The following DPY19L4 variants were observed in gnomAD, a reference collection of about 807,000 sequenced individuals.
DPY19L4 encodes probable C-mannosyltransferase DPY19L4.
DPY19L4 carries 97 observed loss-of-function variants against 102.8 expected under a neutral mutation model. The observed-to-expected ratio is 0.94, with a 90% confidence interval of 0.80 to 1.12. The LOEUF is 1.12. Ranked by LOEUF, DPY19L4 falls within the 50% of genes most tolerant of loss-of-function variation. The probability of loss-of-function intolerance (pLI) is 0.00; values close to 1 mark genes in which losing one functional copy is unlikely to be tolerated. For synonymous variants in DPY19L4, 252 were observed against 283.1 expected (o/e 0.89, Z 1.10); for missense variants, 815 against 850.4 (o/e 0.96, Z 0.52).
intron 3 of DPY19L4, among the ~76,000 whole-genome samples, chr8:94,735,403 A>G (rs1023765961): frequency 3.3e-5 from 5 of 152,224 alleles, no homozygotes; most frequent in Non-Finnish European, 5.9e-5. Flanking sequence ...AATTAACACC[A>G]TCAAGACATT....
chr8:94,734,868 C>T, intron 3 of DPY19L4, 114 bp downstream of exon 3: 1 of 1,398,682 alleles, frequency 7.1e-7, no homozygotes, highest in South Asian at 1.3e-5. Flanking sequence ...ACAAAATGCT[C>T]CAGAAGCTGT....
At chr8:94,736,026 A>G (rs11986843) in intron 3 of DPY19L4, among the ~76,000 whole-genome samples, 10,536 of 152,250 alleles carry the variant, frequency 0.069, 387 homozygotes, top group East Asian at 0.14. Context: ...TTTATTTCTC[A>G]CAGTTCTGGA....
chr8:94,740,682 C>T (rs565986754), intron 6 of DPY19L4, among the ~76,000 whole-genome samples: 1 of 152,274 alleles, frequency 6.6e-6, no homozygotes, highest in African/African-American at 2.4e-5. Context: ...GTCTCAATCT[C>T]CTGACCTCGT....
At chr8:94,769,248 A>G (rs1346174518) in intron 12 of DPY19L4, among the ~76,000 whole-genome samples, 1 of 151,540 alleles carries the variant, frequency 6.6e-6, no homozygotes, top group African/African-American at 2.4e-5. Context: ...TTTAGTAGAG[A>G]TGGGGTTTCT....
chr8:94,753,008 C>CAA lies in DPY19L4; in HGVS notation c.612-3014_612-3013dup, dbSNP rs753977641. ...TTTTCTATGTACACAGTATCTTCTGCAAAAAAAAAAAAAAACCTGACAGTT... is the reference window on the plus strand; with the variant it reads ...TTTTCTATGTACACAGTATCTTCTGCAAAAAAAAAAAAAAAAACCTGACAGTT... On this transcript the variant is annotated intron_variant, in intron 6 of 18. Coordinates refer to ENST00000414645, the MANE Select transcript of DPY19L4 (RefSeq NM_181787.3). Among the ~76,000 whole-genome samples the CAA allele has an allele frequency of 3.7e-3, 436 of 117,052 alleles. 1 individual carries two copies. Among genetic ancestry groups the CAA allele is most frequent in the African/African-American group, 0.012 (413 of 34,458 alleles). 76.8% of individuals were successfully genotyped at this position (117,052 alleles called of 152,430 possible).
rs1325688240 is a variant in DPY19L4, at chr8:94,781,147, G to A, written c.1696G>A (p.Glu566Lys). 1.9e-6 allele frequency: 3 copies of A among 1,597,030 alleles called. No homozygotes were observed. Among genetic ancestry groups the A allele is most frequent in the Non-Finnish European group, 2.6e-6 (3 of 1,175,328 alleles). ...LQEFYDPDTV[E>K]LMTWIKRQAP... ...GGAATTCTATGACCCAGATACAGTGGAACTTATGACCTGGATAAAGTAAGG... is the reference window on the plus strand; with the variant it reads ...GGAATTCTATGACCCAGATACAGTGAAACTTATGACCTGGATAAAGTAAGG... The change falls in exon 16 of 19, where the codon GAA becomes AAA. Residue 566 changes from glutamate to lysine, a missense_variant. Glu to Lys is a moderately conservative substitution (Grantham distance 56, BLOSUM62 1). Coordinates refer to ENST00000414645, the MANE Select transcript of DPY19L4 (RefSeq NM_181787.3).
rs1440615609 is a variant in DPY19L4 at position 94,737,328 on chromosome 8, C to T, written c.253-1041C>T. Among the ~76,000 whole-genome samples, 6 of 152,124 alleles carry T rather than the reference C, an allele frequency of 3.9e-5. 1 individual carries two copies. The highest frequency in any genetic ancestry group is 1.2e-4 in the African/African-American group (5 of 41,518). On this transcript the variant is annotated intron_variant, in intron 3 of 18. Transcript: ENST00000414645. ...CCGAGTAGCTGGGATTACAGACACA[C>T]ACCACCAGGCCTAATTTTTCTATTT...
intron 1 of DPY19L4, among the ~76,000 whole-genome samples, chr8:94,722,015 A>C (rs535692148): frequency 6.6e-6 from 1 of 152,210 alleles, no homozygotes. Context: ...AGGCTGAGAT[A>C]GGAGAATCAC....
intron 2 of DPY19L4, among the ~76,000 whole-genome samples, chr8:94,731,560 C>T (rs1006888216): frequency 1.6e-4 from 25 of 151,946 alleles, no homozygotes; most frequent in African/African-American, 6.0e-4. Flanking sequence ...GGATTACAGG[C>T]ATGCGCCACC....
chr8:94,780,337 C>T (rs565130581), intron 14 of DPY19L4, 22 bp from the exon 15 acceptor site: 1 of 1,447,224 alleles, frequency 6.9e-7, no homozygotes, highest in Non-Finnish European at 9.2e-7. Context: ...TATTTGTAAT[C>T]CTTTTTGCTT....
Position 94,777,793 on chromosome 8 carries a change from C to T in DPY19L4, c.1575+7C>T. On this transcript the variant is annotated splice_region_variant and intron_variant, in intron 14 of 18. Coordinates refer to ENST00000414645, the MANE Select transcript of DPY19L4 (RefSeq NM_181787.3). ...TGTACACCCAATATTGTTGGTGAGTCATTATTTTGCATTGTTTCTCTTCTA... is the reference window on the plus strand; with the variant it reads ...TGTACACCCAATATTGTTGGTGAGTTATTATTTTGCATTGTTTCTCTTCTA... 4 of 1,599,024 alleles carry T rather than the reference C, an allele frequency of 2.5e-6. No homozygotes were observed. Among genetic ancestry groups the T allele is most frequent in the Non-Finnish European group, 3.4e-6 (4 of 1,172,212 alleles).
chr8:94,719,977 C>A lies in DPY19L4; in HGVS notation c.-22C>A, dbSNP rs1810378417. 6.6e-7 allele frequency: 1 copy of A among 1,511,272 alleles called. No homozygotes were observed. The highest frequency in any genetic ancestry group is 8.8e-7 in the Non-Finnish European group (1 of 1,130,400). 93.6% of individuals were successfully genotyped at this position (1,511,272 alleles called of 1,614,324 possible). On this transcript the variant is annotated 5_prime_UTR_variant, in exon 1 of 19. Transcript: ENST00000414645. ...TCTGGGCCGCGCGGGAGCCGCAGGG[C>A]GCCCTAGCCTTCGCAGAAACGATGG...
intron 6 of DPY19L4, among the ~76,000 whole-genome samples, chr8:94,747,773 G>C (rs573167887): frequency 1.3e-4 from 20 of 152,080 alleles, no homozygotes; most frequent in African/African-American, 4.8e-4. Context: ...TGTTAGCCAG[G>C]ATGGTCTCGA....
intron 8 of DPY19L4, among the ~76,000 whole-genome samples, chr8:94,762,909 C>T (rs1054704811): frequency 1.3e-5 from 2 of 152,022 alleles, no homozygotes; most frequent in Non-Finnish European, 2.9e-5. Context: ...TACTTCAACC[C>T]CCAACAGGGT....
chr8:94,743,776 C>T (rs949378254), intron 6 of DPY19L4, among the ~76,000 whole-genome samples: 12 of 152,122 alleles, frequency 7.9e-5, no homozygotes, highest in African/African-American at 1.7e-4. Context: ...GAGGCTGAGG[C>T]GGGTGGATCA....
At position 94,768,359 on chromosome 8, in the gene DPY19L4, C is replaced by T. The variant is rs775422395; in HGVS notation, c.1176-36C>T. 2.4e-5 allele frequency: 37 copies of T among 1,520,866 alleles called. No homozygotes were observed. The Admixed American group carries it at 7.9e-4, about 33-fold the overall frequency. The allele number at this position is 1,520,866 out of a possible 1,614,324, so 94.2% of individuals were successfully genotyped here. Reference sequence around the variant, plus strand: ...TACTTCTGTGTTCAGTTTAAAACGTCTATGAATTTAATATCATACTTTTTG... The same window carrying T: ...TACTTCTGTGTTCAGTTTAAAACGTTTATGAATTTAATATCATACTTTTTG... On this transcript the variant is annotated intron_variant, in intron 11 of 18. Transcript: ENST00000414645.
rs532289597 is a variant in DPY19L4, at chr8:94,790,881, G to A, written c.*971G>A. The stretch of plus-strand genomic sequence containing the variant: ...CATACAGATATATTATAAAACACAA[G>A]CAATGTTATTTATGAAACTGTGATG... On this transcript the variant is annotated 3_prime_UTR_variant, in exon 19 of 19. Coordinates refer to ENST00000414645, the MANE Select transcript of DPY19L4 (RefSeq NM_181787.3). The A allele has an allele frequency of 6.6e-6, 1 of 152,042 alleles. No individual in the cohort carries two copies. Among genetic ancestry groups the A allele is most frequent in the African/African-American group, 2.4e-5 (1 of 41,420 alleles). The allele number at this position is 152,042 out of a possible 1,614,324, so 9.4% of individuals were successfully genotyped here. A position where few individuals can be genotyped will look rare whatever the true frequency, so the allele number is the denominator to read the frequency against.
rs747082256 is a variant in DPY19L4 at position 94,781,154 on chromosome 8, T to C, written c.1703T>C (p.Met568Thr). ...TATGACCCAGATACAGTGGAACTTA[T>C]GACCTGGATAAAGTAAGGATTGAAG... The part of the protein sequence containing the change: ...EFYDPDTVEL[M>T]TWIKRQAPVA... The change falls in exon 16 of 19, where the codon ATG (methionine) becomes ACG (threonine). Residue 568 changes from methionine to threonine, a missense_variant. Coordinates refer to ENST00000414645, the MANE Select transcript of DPY19L4 (RefSeq NM_181787.3). 2 of 1,596,834 alleles carry C rather than the reference T, an allele frequency of 1.3e-6. No individual in the cohort carries two copies. Among genetic ancestry groups the C allele is most frequent in the Non-Finnish European group, 1.7e-6 (2 of 1,174,992 alleles).
chr8:94,756,227 C>A (rs1812158029), intron 7 of DPY19L4, 68 bp downstream of exon 7: 31 of 1,561,578 alleles, frequency 2.0e-5, no homozygotes, highest in South Asian at 1.6e-4. Context: ...CACATAATAG[C>A]AAATAAATTT....
Sources: gnomAD v4.1 joint callset for allele counts (sites outside exome capture counted in the v4.1 genomes callset) on GRCh38, gnomAD v4.1.1 for gene constraint, MANE v1.5 for transcripts, NCBI Gene and HGNC (gene_info 2026-07-23, HGNC 2026-07-21) for gene names.